Variants in ITPRID1 observed in about 807,000 individuals in gnomAD.
ITPRID1 encodes the protein protein ITPRID1.
ITPRID1 carries 96 observed loss-of-function variants against 95.4 expected under a neutral mutation model. That is an observed-to-expected ratio of 1.01 (90% confidence interval 0.85 to 1.19). The LOEUF (loss-of-function observed/expected upper bound fraction) is 1.19. Among genes scored for constraint, ITPRID1 ranks in the 50% most tolerant of loss-of-function variants. The pLI, the probability that ITPRID1 is intolerant of heterozygous loss-of-function variation, is 0.00. For synonymous variants in ITPRID1, 510 were observed against 453.6 expected, an observed-to-expected ratio of 1.12 and a Z score of -1.58; for missense variants, 1,339 against 1,252.9, an observed-to-expected ratio of 1.07 and a Z score of -1.04.
intron 7 of ITPRID1, among the ~76,000 whole-genome samples, chr7:31,573,371 T>TC (rs948842687): frequency 3.9e-5 from 6 of 152,030 alleles, no homozygotes; most frequent in Non-Finnish European, 8.8e-5. Context: ...ATTTTAGTTT[T>TC]TTTTTTTTAA....
intron 12 of ITPRID1, among the ~76,000 whole-genome samples, chr7:31,648,942 T>A (rs1790721084): frequency 6.6e-6 from 1 of 152,248 alleles, no homozygotes; most frequent in Non-Finnish European, 1.5e-5. Flanking sequence ...AGAACACGTA[T>A]CTATAACAGA....
chr7:31,643,009 C>G lies in ITPRID1; in HGVS notation c.1639C>G (p.Pro547Ala). The change falls in exon 12 of 15, where the codon CCC (proline) becomes GCC (alanine). Residue 547 changes from proline (P) to alanine (A), a missense_variant. Pro to Ala is a conservative substitution (Grantham distance 27). Transcript: ENST00000615280. The part of the protein sequence containing the change: ...DSHLWQLLPM[P>A]HAEYEVTRPT... ...CCATCTGTGGCAGCTTCTGCCAATG[C>G]CCCATGCTGAGTATGAGGTCACCAG... 1.2e-6 allele frequency: 2 copies of G among 1,613,990 alleles called. No individual in the cohort carries two copies. The highest frequency in any genetic ancestry group is 1.7e-6 in the Non-Finnish European group (2 of 1,179,886).
chr7:31,656,668 GA>G (rs1044752474), downstream of ITPRID1, among the ~76,000 whole-genome samples: 39 of 152,170 alleles, frequency 2.6e-4, no homozygotes, highest in African/African-American at 9.2e-4. Context: ...ATAGGTTGTA[GA>G]AGGAACTGAG....
chr7:31,562,133 C>T (rs1784646744), intron 5 of ITPRID1, among the ~76,000 whole-genome samples: 1 of 144,918 alleles, frequency 6.9e-6, no homozygotes. Context: ...AATTAAACAT[C>T]AGTGCTATCT....
rs1783871883 is a variant in ITPRID1 at position 31,539,737 on chromosome 7, A to G, written c.-97-9689A>G. Among the ~76,000 whole-genome samples the G allele has an allele frequency of 3.3e-5, 5 of 152,134 alleles. No individual in the cohort carries two copies. In the South Asian group the frequency reaches 1.0e-3, roughly 31 times the overall value. On this transcript the variant is annotated intron_variant, in intron 1 of 14. Coordinates refer to ENST00000615280, the MANE Select transcript of ITPRID1 (RefSeq NM_001257967.3). ...GCACTTTCTCTTACAGACTAAGGTT[A>G]TTTAAGGGTTCAGGATGAGACAGCT...
intron 10 of ITPRID1, among the ~76,000 whole-genome samples, chr7:31,622,398 A>T (rs1006569720): frequency 1.6e-4 from 24 of 152,094 alleles, no homozygotes; most frequent in Non-Finnish European, 3.4e-4. Flanking sequence ...AGAAATCATA[A>T]CAAACTATCT....
At chr7:31,639,929 C>T (rs920723831) in intron 10 of ITPRID1, among the ~76,000 whole-genome samples, 1 of 152,134 alleles carries the variant, frequency 6.6e-6, no homozygotes, top group Non-Finnish European at 1.5e-5. Flanking sequence ...TGATTTTTCT[C>T]CTCATAATGG....
chr7:31,648,985 C>G (rs1424575114), intron 12 of ITPRID1, among the ~76,000 whole-genome samples: 2 of 152,256 alleles, frequency 1.3e-5, no homozygotes, highest in Non-Finnish European at 2.9e-5. Context: ...CTTTTCTGGT[C>G]TTAAGAGCCA....
At chr7:31,640,616 T>C (rs1397872924) in intron 10 of ITPRID1, among the ~76,000 whole-genome samples, 1 of 151,958 alleles carries the variant, frequency 6.6e-6, no homozygotes, top group Non-Finnish European at 1.5e-5. Context: ...TGTCTGTAAC[T>C]GTCTGAGGTC....
At chr7:31,637,855 T>G (rs1789638703) in intron 10 of ITPRID1, among the ~76,000 whole-genome samples, 1 of 152,176 alleles carries the variant, frequency 6.6e-6, no homozygotes, top group South Asian at 2.1e-4. Context: ...TCTTCTAGGG[T>G]TTTTATGGTT....
At chr7:31,570,520 C>G (rs1411044971) in intron 6 of ITPRID1, among the ~76,000 whole-genome samples, 1 of 152,258 alleles carries the variant, frequency 6.6e-6, no homozygotes, top group East Asian at 1.9e-4. Context: ...AGTCGTAAAC[C>G]AAATCTGCAG....
rs1791083765 is a variant in ITPRID1, at chr7:31,652,820, C to A, written c.3126C>A (p.Val1042=). ...CTGTTGGAGAAAAGGATGCAGATGT[C>A]TTCCTCTAGATCAGAGCAGGTTTGT... The part of the protein sequence containing the change: ...NCPVGEKDAD[V]FL Residue 1042 remains valine (V), a synonymous_variant, in exon 15 of 15, where the codon GTC becomes GTA. Coordinates refer to ENST00000615280, the MANE Select transcript of ITPRID1 (RefSeq NM_001257967.3). The A allele has an allele frequency of 6.2e-7, 1 of 1,612,724 alleles. No individual in the cohort carries two copies. Among genetic ancestry groups the A allele is most frequent in the Non-Finnish European group, 8.5e-7 (1 of 1,178,808 alleles).
At chr7:31,538,698 A>AACCACT (rs1470754655) in intron 1 of ITPRID1, among the ~76,000 whole-genome samples, 4 of 152,236 alleles carry the variant, frequency 2.6e-5, no homozygotes, top group African/African-American at 9.6e-5. Flanking sequence ...GCACAGAAAT[A>AACCACT]ACCACTGTCT....
intron 10 of ITPRID1, among the ~76,000 whole-genome samples, chr7:31,615,156 C>G (rs1787086890): frequency 6.6e-6 from 1 of 152,066 alleles, no homozygotes; most frequent in Non-Finnish European, 1.5e-5. Context: ...CAAGGGTGAT[C>G]TAGGTTTGCT....
intron 1 of ITPRID1, chr7:31,517,463 T>A (rs1329873559): frequency 1.3e-5 from 2 of 152,654 alleles, no homozygotes; most frequent in East Asian, 3.9e-4. Flanking sequence ...AGGGAGCTCG[T>A]CCCAGACAAC....
intron 5 of ITPRID1, among the ~76,000 whole-genome samples, chr7:31,561,860 T>A (rs529009004): frequency 3.4e-4 from 51 of 152,050 alleles, no homozygotes; most frequent in African/African-American, 1.2e-3. Flanking sequence ...CATGTCTGAG[T>A]CTCAGTTTGG....
At chr7:31,555,949 A>G (rs1221853414) in intron 5 of ITPRID1, among the ~76,000 whole-genome samples, 1 of 152,180 alleles carries the variant, frequency 6.6e-6, no homozygotes, top group Non-Finnish European at 1.5e-5. Flanking sequence ...GATTTTTGCC[A>G]ATAAATCAAA....
chr7:31,571,876 G>A (rs1385975129), intron 6 of ITPRID1, among the ~76,000 whole-genome samples: 1 of 152,118 alleles, frequency 6.6e-6, no homozygotes, highest in African/African-American at 2.4e-5. Flanking sequence ...GAGCACTAGC[G>A]GGCACCTAAT....
chr7:31,637,911 G>A (rs147091081), intron 10 of ITPRID1, among the ~76,000 whole-genome samples: 6,772 of 152,178 alleles, frequency 0.045, 305 homozygotes, highest in Admixed American at 0.14. Flanking sequence ...ATTAATTTTT[G>A]TATAAGGTGT....
Sources: allele counts gnomAD v4.1 joint callset (sites outside exome capture counted in the v4.1 genomes callset), GRCh38; gene constraint gnomAD v4.1.1; transcripts MANE v1.5; gene names NCBI Gene and HGNC (gene_info 2026-07-23, HGNC 2026-07-21).